Variants in PCDHGA3 observed in about 807,000 individuals in gnomAD.
PCDHGA3 encodes protocadherin gamma-A3.
Under a neutral mutation model 58.5 loss-of-function variants are expected in PCDHGA3, and 40 were observed. The ratio of observed to expected loss-of-function variants is 0.68; its 90% CI spans 0.53 to 0.89. The LOEUF (loss-of-function observed/expected upper bound fraction) is 0.89, where lower values mean the gene tolerates loss of function less well. PCDHGA3 is among the 40% of genes least tolerant of loss of function. The pLI, the probability that PCDHGA3 is intolerant of heterozygous loss-of-function variation, is 0.00. For synonymous variants in PCDHGA3, 530 were observed against 525.7 expected, an observed-to-expected ratio of 1.01 and a Z score of -0.11; for missense variants, 1,223 against 1,195.9, an observed-to-expected ratio of 1.02 and a Z score of -0.33.
intron 1 of PCDHGA3, chr5:141,422,195 A>G: frequency 6.4e-7 from 1 of 1,562,278 alleles, no homozygotes; most frequent in African/African-American, 1.4e-5. Flanking sequence ...ATTCAAGGCC[A>G]AGATGGTGGA....
At chr5:141,366,447 C>T in intron 1 of PCDHGA3, 1 of 1,614,210 alleles carries the variant, frequency 6.2e-7, no homozygotes, top group South Asian at 1.1e-5. Flanking sequence ...GTCTTCCTGG[C>T]CTTCGTCATC....
At chr5:141,506,241 G>C (rs2237081) in intron 3 of PCDHGA3, among the ~76,000 whole-genome samples, 78,081 of 151,504 alleles carry the variant, frequency 0.52, 20,775 homozygotes, top group African/African-American at 0.63. Context: ...ATGAGGTCAG[G>C]AGTTCGAAAC....
At chr5:141,449,261 G>A (rs148515123) in intron 1 of PCDHGA3, among the ~76,000 whole-genome samples, 101 of 152,156 alleles carry the variant, frequency 6.6e-4, no homozygotes, top group Non-Finnish European at 1.3e-3. Flanking sequence ...ATTGTACAAA[G>A]AACTGTATCT....
In PCDHGA3 at chr5:141,355,648, G is replaced by A. The variant is rs11575949; in HGVS notation, c.2424+9191G>A. The A allele has an allele frequency of 0.095, 152,832 of 1,613,828 alleles. 8,961 individuals carry two copies. Among genetic ancestry groups the A allele is most frequent in the African/African-American group, 0.29 (21,386 of 74,982 alleles). On this transcript the variant is annotated intron_variant, in intron 1 of 3. Transcript: ENST00000253812. ...AGTTGCTGAAAATGAAAATCCTGGG[G>A]CAAGATTTCCTCTTCCTGAAGCTTT... is the stretch of plus-strand genomic sequence containing the variant.
chr5:141,372,572 C>T (rs1199574805), intron 1 of PCDHGA3: 4 of 1,614,056 alleles, frequency 2.5e-6, no homozygotes, highest in East Asian at 4.5e-5. Flanking sequence ...CTGAGGGCTA[C>T]TTTCAGCCTG....
chr5:141,347,309 C>T (rs1240783758), intron 1 of PCDHGA3, among the ~76,000 whole-genome samples: 4 of 151,880 alleles, frequency 2.6e-5, no homozygotes, highest in African/African-American at 9.7e-5. Flanking sequence ...ACGAGCCACC[C>T]TCCCAGCTAA....
At chr5:141,430,383 GA>G (rs139772145) in intron 1 of PCDHGA3, among the ~76,000 whole-genome samples, 3,229 of 138,382 alleles carry the variant, frequency 0.023, 41 homozygotes, top group African/African-American at 0.033. Flanking sequence ...AGCTCATTGG[GA>G]AAAAAAAAAA....
chr5:141,430,952 C>T, intron 1 of PCDHGA3: 2 of 1,610,382 alleles, frequency 1.2e-6, no homozygotes, highest in Non-Finnish European at 1.7e-6. Flanking sequence ...GCGCGGAGTC[C>T]GCATCATCCC....
At chr5:141,399,700 G>T (rs1354039219) in intron 1 of PCDHGA3, 1 of 1,613,422 alleles carries the variant, frequency 6.2e-7, no homozygotes. Flanking sequence ...GCGCACCTTC[G>T]AACTCACACT....
intron 1 of PCDHGA3, among the ~76,000 whole-genome samples, chr5:141,454,932 C>T (rs945154196): frequency 1.3e-5 from 2 of 150,768 alleles, no homozygotes; most frequent in African/African-American, 2.4e-5. Context: ...CTCAGCCTCC[C>T]GAGTAGCTGG....
chr5:141,495,323 G>C (rs1029646773), intron 2 of PCDHGA3, among the ~76,000 whole-genome samples: 2 of 152,214 alleles, frequency 1.3e-5, no homozygotes, highest in African/African-American at 4.8e-5. Context: ...AGCCGAGGCT[G>C]ACTGCAGCCT....
chr5:141,425,979 A>T lies in PCDHGA3; in HGVS notation c.2425-68828A>T, dbSNP rs114212354. ...GTCCAACACATCAGTCTAATTCTGA[A>T]TCCCATTGAATTAGCAAAGGCTTCC... On this transcript the variant is annotated intron_variant, in intron 1 of 3. Coordinates refer to ENST00000253812, the MANE Select transcript of PCDHGA3 (RefSeq NM_018916.4). Among the ~76,000 whole-genome samples, 592 of 152,328 alleles carry T rather than the reference A, an allele frequency of 3.9e-3. 5 individuals carry two copies. Among genetic ancestry groups the T allele is most frequent in the African/African-American group, 0.014 (563 of 41,580 alleles).
chr5:141,364,937 G>C (rs760754992), intron 1 of PCDHGA3: 16 of 1,613,830 alleles, frequency 9.9e-6, no homozygotes, highest in Middle Eastern at 1.6e-4. Context: ...CCTAGACCGC[G>C]AGAAAGAGAC....
chr5:141,431,225 C>A lies in PCDHGA3; in HGVS notation c.2425-63582C>A. On this transcript the variant is annotated intron_variant, in intron 1 of 3. Coordinates refer to ENST00000253812, the MANE Select transcript of PCDHGA3 (RefSeq NM_018916.4). The surrounding 1 kb of genome is among the most constrained non-coding windows in gnomAD (Gnocchi z 4.8). ...CACTGAGATGCGGTTCCCTCTACCC[C>A]ACGCCTGGGATCCGGATATCGGGAA... The A allele has an allele frequency of 1.2e-6, 2 of 1,614,118 alleles. No individual in the cohort carries two copies. The highest frequency in any genetic ancestry group is 1.7e-6 in the Non-Finnish European group (2 of 1,180,036).
intron 1 of PCDHGA3, chr5:141,430,546 G>A (rs1323295073): frequency 2.5e-6 from 1 of 402,156 alleles, no homozygotes; most frequent in Non-Finnish European, 4.4e-6. Context: ...GAGCGCCGCT[G>A]TTCACCAATC....
chr5:141,392,915 T>A, intron 1 of PCDHGA3: 2 of 1,613,920 alleles, frequency 1.2e-6, no homozygotes, highest in Non-Finnish European at 1.7e-6. Flanking sequence ...TTCGCTACTC[T>A]GTGCCAGAAG....
intron 1 of PCDHGA3, chr5:141,419,308 C>G: frequency 6.2e-7 from 1 of 1,614,026 alleles, no homozygotes; most frequent in Non-Finnish European, 8.5e-7. Flanking sequence ...ACTTCGGGCT[C>G]AACGGCCGTG....
At chr5:141,352,268 G>A in intron 1 of PCDHGA3, 1 of 1,614,092 alleles carries the variant, frequency 6.2e-7, no homozygotes, top group Non-Finnish European at 8.5e-7. Context: ...GGTATTGCCA[G>A]ACCTCAGCGA....
intron 1 of PCDHGA3, chr5:141,370,354 C>T (rs745912783): frequency 1.4e-5 from 21 of 1,505,704 alleles, no homozygotes; most frequent in Non-Finnish European, 1.9e-5. Flanking sequence ...TTAAAGATCT[C>T]CTCTCCTCGG....
Sources: gnomAD v4.1 joint callset for allele counts (sites outside exome capture counted in the v4.1 genomes callset) on GRCh38, gnomAD v4.1.1 for gene constraint, Gnocchi (gnomAD v3.1) non-coding constraint, MANE v1.5 for transcripts, NCBI Gene and HGNC (gene_info 2026-07-23, HGNC 2026-07-21) for gene names.